Variants in COL24A1 observed in about 807,000 individuals in gnomAD.
COL24A1 encodes collagen type XXIV alpha 1 chain.
A neutral mutation model predicts 253.9 loss-of-function variants in COL24A1; 224 were observed. The observed-to-expected ratio is 0.88, with a 90% CI of 0.79 to 0.99. COL24A1 has a LOEUF of 0.99. Among genes scored for constraint, COL24A1 ranks in the 50% least tolerant of loss-of-function variants. The pLI is 0.00. For missense variants in COL24A1, 2,131 were observed against 2,068.5 expected (o/e 1.03, Z -0.59); for synonymous variants, 685 against 673.7 (o/e 1.02, Z -0.26).
At chr1:85,985,839 C>T (rs1693678850) in intron 20 of COL24A1, among the ~76,000 whole-genome samples, 1 of 151,686 alleles carries the variant, frequency 6.6e-6, no homozygotes, top group East Asian at 1.9e-4. Flanking sequence ...GGGAAAGATC[C>T]CTGCATATAG....
chr1:85,901,503 G>A (rs184367831), intron 28 of COL24A1, among the ~76,000 whole-genome samples: 3 of 152,092 alleles, frequency 2.0e-5, no homozygotes, highest in Non-Finnish European at 2.9e-5. Context: ...AGAGTATGGA[G>A]ATTTCTCATA....
At position 85,909,931 on chromosome 1, in the gene COL24A1, C is replaced by G. The variant is rs1186559123; in HGVS notation, c.2670+19G>C. 1.2e-6 allele frequency: 2 copies of G among 1,600,614 alleles called. No individual in the cohort carries two copies. The highest frequency in any genetic ancestry group is 1.7e-6 in the Non-Finnish European group (2 of 1,168,508). On this transcript the variant is annotated intron_variant, in intron 26 of 59. Transcript: ENST00000370571. ...TTGCATTCTTTGGAAACATATTTTT[C>G]AAATCACTGAGCTCTTACCATAACA... is the stretch of plus-strand genomic sequence containing the variant.
chr1:86,108,281 T>C lies in COL24A1; in HGVS notation c.1599+4286A>G, dbSNP rs1571944326. ...ATTGGGCTGGATCTCTATTACAATG[T>C]GTTTAATCTTGGAACAGAGATAATT... On this transcript the variant is annotated intron_variant, in intron 5 of 59. Transcript: ENST00000370571. Among the ~76,000 whole-genome samples, 3 of 152,304 alleles carry C rather than the reference T, an allele frequency of 2.0e-5. No individual in the cohort carries two copies. In the East Asian group the frequency reaches 5.8e-4, roughly 29 times the overall value.
At chr1:86,042,643 T>C (rs1320946685) in intron 12 of COL24A1, among the ~76,000 whole-genome samples, 2 of 152,138 alleles carry the variant, frequency 1.3e-5, no homozygotes, top group African/African-American at 2.4e-5. Flanking sequence ...AGATAGCTCT[T>C]ATTTGTAAGT....
At chr1:85,917,634 T>C (rs1686024076) in intron 24 of COL24A1, among the ~76,000 whole-genome samples, 2 of 152,254 alleles carry the variant, frequency 1.3e-5, no homozygotes, top group East Asian at 1.9e-4. Context: ...CTATATTTTC[T>C]TGATGATTTT....
intron 19 of COL24A1, among the ~76,000 whole-genome samples, chr1:86,010,219 T>C (rs1696365948): frequency 1.9e-5 from 1 of 52,542 alleles, no homozygotes; most frequent in South Asian, 5.1e-4. Context: ...CAAATTTGGC[T>C]ATGTAAAATT....
intron 14 of COL24A1, among the ~76,000 whole-genome samples, chr1:86,023,954 T>C (rs75307883): frequency 0.017 from 2,519 of 152,198 alleles, 31 homozygotes; most frequent in Non-Finnish European, 0.029. Flanking sequence ...AGTTTCTAAA[T>C]ATTAAGGAAC....
At chr1:85,748,485 A>C (rs1426954970) in intron 55 of COL24A1, among the ~76,000 whole-genome samples, 1 of 152,262 alleles carries the variant, frequency 6.6e-6, no homozygotes, top group Admixed American at 6.5e-5. Flanking sequence ...AAGTTAAAAA[A>C]TGAAATAAAA....
At chr1:86,132,718 G>T (rs574983940) in intron 2 of COL24A1, among the ~76,000 whole-genome samples, 1 of 152,194 alleles carries the variant, frequency 6.6e-6, no homozygotes, top group Non-Finnish European at 1.5e-5. Context: ...CTGTTCCATT[G>T]GTCTATATCT....
Position 86,050,197 on chromosome 1 carries a change from C to T in COL24A1, c.1852-20G>A, listed in dbSNP as rs1337567911. On this transcript the variant is annotated intron_variant, in intron 10 of 59. Coordinates refer to ENST00000370571, the MANE Select transcript of COL24A1 (RefSeq NM_152890.7). ...AAAACCCTTAAAACAAGAAAATAGT[C>T]TGTATATTAGTTCATTTGAATATTC... 6.2e-7 allele frequency: 1 copy of T among 1,607,342 alleles called. No homozygotes were observed. Among genetic ancestry groups the T allele is most frequent in the South Asian group, 1.1e-5 (1 of 90,902 alleles).
intron 20 of COL24A1, among the ~76,000 whole-genome samples, chr1:85,976,237 T>C (rs1471106029): frequency 1.3e-5 from 2 of 152,124 alleles, no homozygotes; most frequent in East Asian, 3.9e-4. Context: ...GCAGGGAAGC[T>C]TATAGCCTGG....
rs148138079 is a variant in COL24A1 at position 85,784,003 on chromosome 1, C to T, written c.4221+110G>A. On this transcript the variant is annotated intron_variant, in intron 50 of 59. Coordinates refer to ENST00000370571, the MANE Select transcript of COL24A1 (RefSeq NM_152890.7). ...CGAAACTCAAATATATAAATATGTA[C>T]CAACTGAAATTTTACAGATTTAAAA... is the stretch of plus-strand genomic sequence containing the variant. 149 of 755,162 alleles carry T rather than the reference C, an allele frequency of 2.0e-4. No individual in the cohort carries two copies. The African/African-American group carries it at 2.1e-3, about 11-fold the overall frequency. 46.8% of individuals were successfully genotyped at this position (755,162 alleles called of 1,614,324 possible).
intron 19 of COL24A1, among the ~76,000 whole-genome samples, chr1:85,994,410 T>TAAAA (rs1694572383): frequency 1.2e-5 from 1 of 83,896 alleles, no homozygotes; most frequent in Non-Finnish European, 2.6e-5. Flanking sequence ...AAAGTTATCC[T>TAAAA]GAAAAAAAAA....
At chr1:85,974,889 A>G (rs1692510054) in intron 20 of COL24A1, among the ~76,000 whole-genome samples, 1 of 152,190 alleles carries the variant, frequency 6.6e-6, no homozygotes, top group Non-Finnish European at 1.5e-5. Flanking sequence ...AGGTTGCTGT[A>G]GGAATAAATA....
At chr1:86,054,451 A>T (rs1033059404) in intron 10 of COL24A1, among the ~76,000 whole-genome samples, 1 of 152,152 alleles carries the variant, frequency 6.6e-6, no homozygotes, top group Non-Finnish European at 1.5e-5. Context: ...ATCAATAAGA[A>T]AAAAACAAAT....
rs934840112 is a variant in COL24A1, at chr1:86,046,939, C to T, written c.1906-70G>A. The T allele has an allele frequency of 4.5e-6, 4 of 889,160 alleles. No homozygotes were observed. In the African/African-American group the frequency reaches 6.7e-5, roughly 15 times the overall value. 55.1% of individuals were successfully genotyped at this position (889,160 alleles called of 1,614,324 possible). ...ATTAGGTACTATAGATCTTTTTCTC[C>T]CAATATAAAGCAATAAAGTATGAAA... On this transcript the variant is annotated intron_variant, in intron 11 of 59. Coordinates refer to ENST00000370571, the MANE Select transcript of COL24A1 (RefSeq NM_152890.7).
chr1:85,859,962 C>CTTTATTT (rs1678951424), intron 37 of COL24A1, among the ~76,000 whole-genome samples: 1 of 151,966 alleles, frequency 6.6e-6, no homozygotes, highest in Non-Finnish European at 1.5e-5. Flanking sequence ...TTTAAAAATG[C>CTTTATTT]TATTTTATAC....
At chr1:86,004,606 GAACATTTGGGTCT>G (rs1468751311) in intron 19 of COL24A1, among the ~76,000 whole-genome samples, 1 of 152,170 alleles carries the variant, frequency 6.6e-6, no homozygotes, top group African/African-American at 2.4e-5. Flanking sequence ...CAAATAGGAT[GAACATTTGGGTCT>G]AAAGACCAAG....
At chr1:85,798,159 T>C (rs558489548) in intron 47 of COL24A1, among the ~76,000 whole-genome samples, 1 of 150,808 alleles carries the variant, frequency 6.6e-6, no homozygotes, top group African/African-American at 2.4e-5. Context: ...ATCACACCAC[T>C]GTACTCCAGC....
Sources: allele counts gnomAD v4.1 joint callset (sites outside exome capture counted in the v4.1 genomes callset), GRCh38; gene constraint gnomAD v4.1.1; transcripts MANE v1.5; gene names NCBI Gene and HGNC (gene_info 2026-07-23, HGNC 2026-07-21).